The following STAM variants were observed in gnomAD, a reference collection of about 807,000 sequenced individuals.
The protein encoded by STAM is signal transducing adapter molecule 1.
In STAM, 16 loss-of-function variants were observed where a neutral mutation model predicts 63.4. The observed-to-expected ratio is 0.25, with a 90% CI of 0.17 to 0.38. The LOEUF (loss-of-function observed/expected upper bound fraction) is 0.38. Among genes scored for constraint, STAM ranks in the 10% least tolerant of loss-of-function variants. The pLI is 1.00. For synonymous variants in STAM, 238 were observed against 223.9 expected (o/e 1.06, Z -0.56); for missense variants, 636 against 657.1 (o/e 0.97, Z 0.35).
At position 17,688,060 on chromosome 10, in the gene STAM, C is replaced by G. The variant is rs1255629229; in HGVS notation, c.331C>G (p.Leu111Val). The G allele has an allele frequency of 3.1e-6, 5 of 1,603,868 alleles. No homozygotes were observed. Among genetic ancestry groups the G allele is most frequent in the Non-Finnish European group, 4.3e-6 (5 of 1,175,770 alleles). The change falls in exon 5 of 14, where the codon CTT becomes GTT. Residue 111 changes from leucine to valine, a missense_variant. Leu to Val is a conservative substitution (Grantham distance 32). Transcript: ENST00000377524. ...TAAAGTATGTGAAAAATTAAAGGCT[C>G]TTATGGTTGAATGGACAGATGAATT... is the stretch of plus-strand genomic sequence containing the variant. ...HPKVCEKLKA[L>V]MVEWTDEFKN...
chr10:17,683,719 T>C (rs1276755453), intron 2 of STAM, among the ~76,000 whole-genome samples: 1 of 152,224 alleles, frequency 6.6e-6, no homozygotes, highest in Admixed American at 6.5e-5. Flanking sequence ...TATAATAGCT[T>C]ATATAAAGTC....
intron 2 of STAM, among the ~76,000 whole-genome samples, chr10:17,678,315 C>T (rs1834937893): frequency 6.6e-6 from 1 of 151,202 alleles, no homozygotes; most frequent in East Asian, 1.9e-4. Flanking sequence ...AATGCAGCGG[C>T]ACAATCTCAG....
At chr10:17,666,678 T>C (rs746028984) in intron 2 of STAM, among the ~76,000 whole-genome samples, 3 of 152,180 alleles carry the variant, frequency 2.0e-5, no homozygotes, top group Non-Finnish European at 4.4e-5. Context: ...ATTACAGGCA[T>C]GAGCCACCCT....
intron 2 of STAM, among the ~76,000 whole-genome samples, chr10:17,674,605 A>G (rs557608598): frequency 3.9e-5 from 6 of 152,302 alleles, no homozygotes; most frequent in African/African-American, 1.4e-4. Flanking sequence ...CAGGAGACCC[A>G]AATGTACTCC....
intron 2 of STAM, 63 bp downstream of exon 2, chr10:17,660,611 T>C (rs1239742541): frequency 1.5e-6 from 2 of 1,303,202 alleles, no homozygotes; most frequent in Non-Finnish European, 2.2e-6. Context: ...AAAGGCCAGG[T>C]GCAGTGGCTT....
rs551501456 is a variant in STAM, at chr10:17,715,034, A to G, written c.*254A>G. 9.1e-5 allele frequency: 43 copies of G among 470,730 alleles called. No individual in the cohort carries two copies. The highest frequency in any genetic ancestry group is 1.5e-4 in the Non-Finnish European group (39 of 256,008). 29.2% of individuals were successfully genotyped at this position (470,730 alleles called of 1,614,324 possible). On this transcript the variant is annotated 3_prime_UTR_variant, in exon 14 of 14. Coordinates refer to ENST00000377524, the MANE Select transcript of STAM (RefSeq NM_003473.4). ...TTTCATAATATGAAAGAATTGATAC[A>G]AGGCTATTTGTCTCGTAAACCTGGT...
intron 5 of STAM, 51 bp downstream of exon 5, chr10:17,688,224 AGCTATATTT>A: frequency 7.4e-7 from 1 of 1,356,648 alleles, no homozygotes; most frequent in Non-Finnish European, 9.6e-7. Flanking sequence ...TCTCTTAAAT[AGCTATATTT>A]ATTTGAATTT....
chr10:17,658,847 A>C (rs1187048147), intron 1 of STAM, among the ~76,000 whole-genome samples: 2 of 152,198 alleles, frequency 1.3e-5, no homozygotes, highest in Non-Finnish European at 2.9e-5. Context: ...CTTATAGACA[A>C]CATACAGTTG....
At chr10:17,650,160 A>G (rs1554821349) in intron 1 of STAM, among the ~76,000 whole-genome samples, 2 of 152,230 alleles carry the variant, frequency 1.3e-5, no homozygotes, top group African/African-American at 4.8e-5. Flanking sequence ...TTAATGTCAC[A>G]TTCTCCTGAA....
At chr10:17,713,856 G>A (rs1836675239) in intron 13 of STAM, among the ~76,000 whole-genome samples, 1 of 152,026 alleles carries the variant, frequency 6.6e-6, no homozygotes, top group Non-Finnish European at 1.5e-5. Context: ...CTCACTCAGA[G>A]TGTAAGCTAC....
chr10:17,661,910 C>CT (rs1284007484), intron 2 of STAM, among the ~76,000 whole-genome samples: 2 of 151,704 alleles, frequency 1.3e-5, no homozygotes, highest in Admixed American at 6.6e-5. Flanking sequence ...CCCATCCATC[C>CT]CTTTGTTGTA....
rs782733181 is a variant in STAM at position 17,714,644 on chromosome 10, C to T, written c.1487C>T (p.Thr496Ile). The T allele has an allele frequency of 2.5e-6, 4 of 1,614,056 alleles. No individual in the cohort carries two copies. The South Asian group carries it at 3.3e-5, about 13-fold the overall frequency. Residue 496 changes from threonine (T) to isoleucine (I), a missense_variant, in exon 14 of 14, where the codon ACT (threonine) becomes ATT (isoleucine). By Grantham distance (89) the Thr-to-Ile change is moderately conservative. Transcript: ENST00000377524. ...ATAAAATADV[T>I]LYQNAGPNMP... Reference sequence around the variant, plus strand: ...GCTGCTGCTGCAACTGCCGATGTCACTCTGTACCAGAATGCAGGACCTAAT... The same window carrying T: ...GCTGCTGCTGCAACTGCCGATGTCATTCTGTACCAGAATGCAGGACCTAAT...
intron 8 of STAM, among the ~76,000 whole-genome samples, chr10:17,698,988 T>A (rs1835877108): frequency 6.6e-6 from 1 of 152,184 alleles, no homozygotes; most frequent in Non-Finnish European, 1.5e-5. Flanking sequence ...ATGGAATGAT[T>A]ATATTTCTTA....
chr10:17,690,847 C>A (rs977095235), intron 5 of STAM, among the ~76,000 whole-genome samples: 1 of 152,110 alleles, frequency 6.6e-6, no homozygotes, highest in Non-Finnish European at 1.5e-5. Flanking sequence ...GCACCGCTAC[C>A]GTAGTTGGCT....
chr10:17,650,505 A>G lies in STAM; in HGVS notation c.40+6126A>G, dbSNP rs74456124. On this transcript the variant is annotated intron_variant, in intron 1 of 13. Transcript: ENST00000377524. ...GTACCTAAGTTTACTTAGTCATACA[A>G]GTCGTGAACTTGGGAGTAATTCTTG... 5.0e-3 allele frequency among the ~76,000 whole-genome samples: 760 copies of G among 152,340 alleles called. 4 individuals are homozygous for G. The highest frequency in any genetic ancestry group is 0.017 in the African/African-American group (725 of 41,574).
intron 5 of STAM, among the ~76,000 whole-genome samples, chr10:17,688,752 C>G (rs1835406075): frequency 6.6e-6 from 1 of 152,068 alleles, no homozygotes. Context: ...TGTGAGCCAC[C>G]AGGCCCAGCC....
intron 2 of STAM, among the ~76,000 whole-genome samples, chr10:17,674,257 T>C (rs896276494): frequency 1.3e-5 from 2 of 152,228 alleles, no homozygotes; most frequent in African/African-American, 2.4e-5. Flanking sequence ...TAGAGGCTGT[T>C]CTAGTTATCT....
intron 1 of STAM, among the ~76,000 whole-genome samples, chr10:17,647,155 G>T (rs1312534130): frequency 6.6e-6 from 1 of 152,158 alleles, no homozygotes; most frequent in Non-Finnish European, 1.5e-5. Flanking sequence ...GCATGCTGAA[G>T]AACTTTCAGT....
chr10:17,660,731 G>A (rs187104475), intron 2 of STAM, among the ~76,000 whole-genome samples, 183 bp downstream of exon 2: 4 of 152,252 alleles, frequency 2.6e-5, no homozygotes, highest in Admixed American at 6.5e-5. Context: ...CAATGTACAC[G>A]AGTCAGGGCA....
Sources: gnomAD v4.1 joint callset for allele counts (sites outside exome capture counted in the v4.1 genomes callset) on GRCh38, gnomAD v4.1.1 for gene constraint, MANE v1.5 for transcripts, NCBI Gene and HGNC (gene_info 2026-07-23, HGNC 2026-07-21) for gene names.